TRIM62: variants seen among roughly 807,000 people sequenced by gnomAD.
TRIM62 encodes E3 ubiquitin-protein ligase TRIM62.
Under a neutral mutation model 44.2 loss-of-function variants are expected in TRIM62, and 39 were observed. That is an observed-to-expected ratio of 0.88 (90% confidence interval 0.68 to 1.15). The LOEUF (loss-of-function observed/expected upper bound fraction) is 1.15. TRIM62 is among the 50% of genes most tolerant of loss of function. The pLI, the probability that TRIM62 is intolerant of heterozygous loss-of-function variation, is 0.00. For missense variants in TRIM62, 544 were observed against 665.5 expected (o/e 0.82, Z 2.01); for synonymous variants, 278 against 292.3 (o/e 0.95, Z 0.50).
At position 33,170,786 on chromosome 1, in the gene TRIM62, C is replaced by A. The variant is rs1186829078; in HGVS notation, c.409-5220G>T. ...TCTACCACCCATTGGGCTGTGTGAC[C>A]CTAGGATGTCACCTAACCTCTCTGT... On this transcript the variant is annotated intron_variant, in intron 1 of 4. Coordinates refer to ENST00000291416, the MANE Select transcript of TRIM62 (RefSeq NM_018207.3). Among the ~76,000 whole-genome samples the A allele has an allele frequency of 3.3e-5, 5 of 152,268 alleles. No homozygotes were observed. The East Asian group carries it at 9.7e-4, about 29-fold the overall frequency.
intron 1 of TRIM62, among the ~76,000 whole-genome samples, chr1:33,176,032 C>T (rs866306656): frequency 1.6e-4 from 25 of 152,262 alleles, no homozygotes; most frequent in Middle Eastern, 3.4e-3. Flanking sequence ...GAGATGCCAG[C>T]GGCCAGCTCT....
chr1:33,169,143 T>A (rs1009568585), intron 1 of TRIM62, among the ~76,000 whole-genome samples: 5 of 152,054 alleles, frequency 3.3e-5, no homozygotes, highest in African/African-American at 1.2e-4. Context: ...TGCCACGAGG[T>A]GTGCATGTGT....
At position 33,165,630 on chromosome 1, in the gene TRIM62, AC is replaced by A; in HGVS notation, c.409-65del. 1 of 1,425,210 alleles carries A rather than the reference AC, an allele frequency of 7.0e-7. No individual in the cohort carries two copies. Among genetic ancestry groups the A allele is most frequent in the South Asian group, 1.4e-5 (1 of 73,558 alleles). The allele number at this position is 1,425,210 out of a possible 1,614,324, so 88.3% of individuals were successfully genotyped here. On this transcript the variant is annotated intron_variant, in intron 1 of 4. Transcript: ENST00000291416. This position sits in a 1 kb window ranked among gnomAD's most constrained non-coding sequence, Gnocchi z 4.0. Reference sequence around the variant, plus strand: ...TGCCTGGCCCAGGCATTCAGCCCTGACCACTGCCAGGCGCTGGGGGTTAGCC... The same window carrying A: ...TGCCTGGCCCAGGCATTCAGCCCTGACACTGCCAGGCGCTGGGGGTTAGCC...
At chr1:33,158,403 G>T (rs1338849172) in intron 3 of TRIM62, 35 bp from the exon 4 acceptor site, 1 of 1,592,846 alleles carries the variant, frequency 6.3e-7, no homozygotes, top group South Asian at 1.1e-5. Flanking sequence ...CTGCACCAGG[G>T]ACTGGATTCC....
chr1:33,150,611 A>C (rs2124713465), intron 4 of TRIM62, among the ~76,000 whole-genome samples: 1 of 152,322 alleles, frequency 6.6e-6, no homozygotes, highest in East Asian at 1.9e-4. Flanking sequence ...CCAAGAGAGG[A>C]CGGCCACTGA....
chr1:33,158,897 A>G (rs1645219758), intron 3 of TRIM62, among the ~76,000 whole-genome samples: 1 of 151,868 alleles, frequency 6.6e-6, no homozygotes, highest in Non-Finnish European at 1.5e-5. Context: ...CTGAAGTGCA[A>G]TGGCGCGATC....
At chr1:33,152,084 C>T (rs372129354) in intron 4 of TRIM62, among the ~76,000 whole-genome samples, 2 of 152,232 alleles carry the variant, frequency 1.3e-5, no homozygotes, top group African/African-American at 2.4e-5. Context: ...GGGAGCACCA[C>T]GACAGACCCA....
intron 2 of TRIM62, among the ~76,000 whole-genome samples, chr1:33,160,402 TTTA>T (rs570269219): frequency 2.4e-3 from 371 of 151,972 alleles, no homozygotes; most frequent in Non-Finnish European, 3.9e-3. Context: ...TTTTTTTGCT[TTTA>T]TTATTATTAG....
At chr1:33,180,650 G>C (rs1216409732) in intron 1 of TRIM62, among the ~76,000 whole-genome samples, 1 of 152,128 alleles carries the variant, frequency 6.6e-6, no homozygotes, top group East Asian at 1.9e-4. Context: ...CCCTGCCTTT[G>C]CCCAACTCTG....
At position 33,167,363 on chromosome 1, in the gene TRIM62, C is replaced by T. The variant is rs1304721697; in HGVS notation, c.409-1797G>A. On this transcript the variant is annotated intron_variant, in intron 1 of 4. Transcript: ENST00000291416. The surrounding 1 kb of genome is among the most constrained non-coding windows in gnomAD (Gnocchi z 4.2). ...GTCTGGCTTGTTCCCTGCCTTATGCCCAGGGACTCAGTGATTATTTGTCAA... is the reference window on the plus strand; with the variant it reads ...GTCTGGCTTGTTCCCTGCCTTATGCTCAGGGACTCAGTGATTATTTGTCAA... Among the ~76,000 whole-genome samples the T allele has an allele frequency of 6.6e-6, 1 of 152,128 alleles. No homozygotes were observed. The highest frequency in any genetic ancestry group is 1.5e-5 in the Non-Finnish European group (1 of 68,024).
chr1:33,173,298 T>C (rs974745302), intron 1 of TRIM62, among the ~76,000 whole-genome samples: 2 of 152,230 alleles, frequency 1.3e-5, no homozygotes, highest in Non-Finnish European at 2.9e-5. Flanking sequence ...CAGTGCTTGG[T>C]CCATAATGCA....
intron 4 of TRIM62, among the ~76,000 whole-genome samples, chr1:33,149,302 G>A (rs1161510580): frequency 3.9e-5 from 6 of 152,060 alleles, no homozygotes; most frequent in Admixed American, 6.6e-5. Flanking sequence ...ATAGGCACGC[G>A]CCACCACGCC....
chr1:33,166,729 G>A (rs1409894885), intron 1 of TRIM62, among the ~76,000 whole-genome samples: 3 of 152,028 alleles, frequency 2.0e-5, no homozygotes, highest in Non-Finnish European at 2.9e-5. Flanking sequence ...TGACTCCTGC[G>A]ATGAATAACA....
At chr1:33,171,050 G>A (rs528781807) in intron 1 of TRIM62, among the ~76,000 whole-genome samples, 16 of 152,294 alleles carry the variant, frequency 1.1e-4, no homozygotes, top group African/African-American at 3.8e-4. Flanking sequence ...GCCAGAGCAG[G>A]AAGAGGCTGC....
chr1:33,159,834 G>C lies in TRIM62; in HGVS notation c.615C>G (p.Ala205=), dbSNP rs201785011. 1.9e-5 allele frequency: 31 copies of C among 1,613,726 alleles called. No individual in the cohort carries two copies. In the East Asian group the frequency reaches 2.0e-4, roughly 10 times the overall value. ...AMLEELEADT[A]RTLTDIEQKV... ...TCTGCTCGATGTCGGTCAGCGTGCG[G>C]GCCGTGTCCGCCTCCAGCTCCTCTA... Residue 205 remains alanine (A), a synonymous_variant, in exon 3 of 5, where the codon GCC becomes GCG. Coordinates refer to ENST00000291416, the MANE Select transcript of TRIM62 (RefSeq NM_018207.3). The surrounding 1 kb of genome is among the most constrained non-coding windows in gnomAD (Gnocchi z 4.2).
chr1:33,151,430 A>G (rs1006266206), intron 4 of TRIM62, among the ~76,000 whole-genome samples: 1 of 152,082 alleles, frequency 6.6e-6, no homozygotes, highest in Non-Finnish European at 1.5e-5. Flanking sequence ...CGAATCATTA[A>G]CACAGGGTCT....
At chr1:33,180,326 C>T (rs975085808) in intron 1 of TRIM62, among the ~76,000 whole-genome samples, 8 of 152,112 alleles carry the variant, frequency 5.3e-5, no homozygotes, top group African/African-American at 1.9e-4. Context: ...CCCACTCAAC[C>T]TGGCCTCTAC....
Position 33,146,865 on chromosome 1 carries a change from A to C in TRIM62, c.*312T>G. 1 of 373,406 alleles carries C rather than the reference A, an allele frequency of 2.7e-6. No homozygotes were observed. The highest frequency in any genetic ancestry group is 4.9e-6 in the Non-Finnish European group (1 of 202,096). 23.1% of individuals were successfully genotyped at this position (373,406 alleles called of 1,614,324 possible). A position where few individuals can be genotyped will look rare whatever the true frequency, so the allele number is the denominator to read the frequency against. ...GGGCTGGGCTGGAGGGAGACACTGG[A>C]AGGTAGTCCCCTGCCCCTGAGAAGA... is the stretch of plus-strand genomic sequence containing the variant. On this transcript the variant is annotated 3_prime_UTR_variant, in exon 5 of 5. Transcript: ENST00000291416.
intron 4 of TRIM62, among the ~76,000 whole-genome samples, chr1:33,154,962 A>C (rs1645156195): frequency 1.3e-5 from 2 of 148,318 alleles, no homozygotes; most frequent in African/African-American, 5.0e-5. Context: ...GCGTCTTGGC[A>C]GGTGCCTGCA....
Sources: allele counts gnomAD v4.1 joint callset (sites outside exome capture counted in the v4.1 genomes callset), GRCh38; gene constraint gnomAD v4.1.1; non-coding constraint Gnocchi (gnomAD v3.1); transcripts MANE v1.5; gene names NCBI Gene and HGNC (gene_info 2026-07-23, HGNC 2026-07-21).